The following KCNMB2 variants were observed in gnomAD, a reference collection of about 807,000 sequenced individuals.
KCNMB2 encodes calcium-activated potassium channel subunit beta-2.
Under a neutral mutation model 24.5 loss-of-function variants are expected in KCNMB2, and 9 were observed. The ratio of observed to expected loss-of-function variants is 0.37; its 90% CI spans 0.22 to 0.64. The LOEUF (loss-of-function observed/expected upper bound fraction) is 0.64. Ranked by LOEUF, KCNMB2 falls within the 30% of genes least tolerant of loss-of-function variation. The pLI is 0.63. For synonymous variants in KCNMB2, 109 were observed against 104.4 expected, an observed-to-expected ratio of 1.04 and a Z score of -0.27; for missense variants, 226 against 284.3, an observed-to-expected ratio of 0.79 and a Z score of 1.47.
intron 1 of KCNMB2, among the ~76,000 whole-genome samples, chr3:178,609,299 T>A (rs964375126): frequency 6.6e-6 from 1 of 152,176 alleles, no homozygotes; most frequent in Admixed American, 6.5e-5. Flanking sequence ...TTGAGAAATG[T>A]CTATTCAAAT....
chr3:178,588,664 A>G (rs989133137), intron 1 of KCNMB2, among the ~76,000 whole-genome samples: 1 of 152,144 alleles, frequency 6.6e-6, no homozygotes. Flanking sequence ...AGTGGATATC[A>G]CATATTGTAT....
intron 2 of KCNMB2, among the ~76,000 whole-genome samples, chr3:178,822,391 C>T (rs1714666868): frequency 6.6e-6 from 1 of 152,214 alleles, no homozygotes; most frequent in African/African-American, 2.4e-5. Context: ...TCCCTCTTCT[C>T]TATTCCCATA....
At chr3:178,735,774 G>A (rs139714236) in intron 1 of KCNMB2, among the ~76,000 whole-genome samples, 23 of 152,312 alleles carry the variant, frequency 1.5e-4, no homozygotes, top group African/African-American at 5.3e-4. Flanking sequence ...GAATCAGTCA[G>A]AAGTGCAAGA....
At chr3:178,686,127 G>T (rs927197798) in intron 1 of KCNMB2, among the ~76,000 whole-genome samples, 5 of 152,204 alleles carry the variant, frequency 3.3e-5, no homozygotes, top group Non-Finnish European at 7.4e-5. Flanking sequence ...GTATAGATAG[G>T]ATGAGAAATA....
At chr3:178,708,181 TTATCATA>T (rs1278994899) in intron 1 of KCNMB2, among the ~76,000 whole-genome samples, 2 of 152,142 alleles carry the variant, frequency 1.3e-5, no homozygotes, top group Non-Finnish European at 2.9e-5. Flanking sequence ...TGTAGCTCTA[TTATCATA>T]CCTGCCCCCT....
chr3:178,600,225 G>A (rs1718030313), intron 1 of KCNMB2, among the ~76,000 whole-genome samples: 1 of 152,102 alleles, frequency 6.6e-6, no homozygotes, highest in Admixed American at 6.6e-5. Flanking sequence ...ATTTATTCAT[G>A]TTGTATCAAA....
At chr3:178,712,564 T>C (rs991080942) in intron 1 of KCNMB2, among the ~76,000 whole-genome samples, 26 of 152,214 alleles carry the variant, frequency 1.7e-4, no homozygotes, top group African/African-American at 6.0e-4. Flanking sequence ...ACACGCACAC[T>C]GTATGTGAGG....
intron 1 of KCNMB2, among the ~76,000 whole-genome samples, chr3:178,691,618 T>C (rs1017537818): frequency 2.6e-5 from 4 of 152,214 alleles, no homozygotes; most frequent in African/African-American, 9.6e-5. Flanking sequence ...TAGTATTCCA[T>C]AGTGTGTATG....
chr3:178,737,709 A>G (rs1353585560), intron 1 of KCNMB2, among the ~76,000 whole-genome samples: 1 of 152,208 alleles, frequency 6.6e-6, no homozygotes. Context: ...TTAGTATGAA[A>G]AAAAGACTAT....
At chr3:178,667,940 G>A (rs1016535863) in intron 1 of KCNMB2, among the ~76,000 whole-genome samples, 11 of 152,144 alleles carry the variant, frequency 7.2e-5, no homozygotes, top group Admixed American at 3.9e-4. Flanking sequence ...TAATTACTGT[G>A]AGGATGGTCC....
At chr3:178,674,187 T>C (rs1720996638) in intron 1 of KCNMB2, among the ~76,000 whole-genome samples, 1 of 151,966 alleles carries the variant, frequency 6.6e-6, no homozygotes, top group East Asian at 1.9e-4. Flanking sequence ...CTCTTCTACC[T>C]CTTCTCTTCT....
intron 1 of KCNMB2, among the ~76,000 whole-genome samples, chr3:178,702,597 A>C (rs546072791): frequency 4.5e-4 from 68 of 152,112 alleles, no homozygotes; most frequent in Non-Finnish European, 9.3e-4. Context: ...ATCAAAACTC[A>C]CTTAATTAAT....
chr3:178,580,071 G>C (rs1389021585), intron 1 of KCNMB2, among the ~76,000 whole-genome samples: 3 of 152,074 alleles, frequency 2.0e-5, no homozygotes, highest in African/African-American at 7.2e-5. Context: ...AACAAAAAAA[G>C]AAAATTTCAG....
chr3:178,581,525 A>G (rs1252613943), intron 1 of KCNMB2, among the ~76,000 whole-genome samples: 4 of 152,234 alleles, frequency 2.6e-5, no homozygotes, highest in Non-Finnish European at 4.4e-5. Flanking sequence ...ATGGGATCTA[A>G]TTAAACTAAA....
intron 1 of KCNMB2, among the ~76,000 whole-genome samples, chr3:178,655,907 G>A (rs1720325498): frequency 6.6e-6 from 1 of 152,148 alleles, no homozygotes; most frequent in Non-Finnish European, 1.5e-5. Flanking sequence ...CAAGAGATCT[G>A]TATCACAGTA....
intron 1 of KCNMB2, among the ~76,000 whole-genome samples, chr3:178,562,023 AC>A (rs1382538867): frequency 7.9e-5 from 12 of 152,256 alleles, no homozygotes. Context: ...TACTGTACTT[AC>A]AATTAGTGAC....
chr3:178,646,040 G>C (rs1262158600), intron 1 of KCNMB2, among the ~76,000 whole-genome samples: 1 of 152,118 alleles, frequency 6.6e-6, no homozygotes, highest in Non-Finnish European at 1.5e-5. Context: ...TCTGCATACA[G>C]TTACCTGCAT....
At chr3:178,643,528 G>A (rs1255639293) in intron 1 of KCNMB2, among the ~76,000 whole-genome samples, 2 of 152,112 alleles carry the variant, frequency 1.3e-5, no homozygotes, top group Non-Finnish European at 2.9e-5. Flanking sequence ...AGTGGAGGAA[G>A]GGTGCATGAG....
chr3:178,683,695 T>A (rs1721355270), intron 1 of KCNMB2, among the ~76,000 whole-genome samples: 1 of 152,196 alleles, frequency 6.6e-6, no homozygotes. Flanking sequence ...CAACCCTCAG[T>A]TTAACCTTCA....
Sources: gnomAD v4.1 joint callset for allele counts (sites outside exome capture counted in the v4.1 genomes callset) on GRCh38, gnomAD v4.1.1 for gene constraint, MANE v1.5 for transcripts, NCBI Gene and HGNC (gene_info 2026-07-23, HGNC 2026-07-21) for gene names.